The following RNF123 variants were observed in gnomAD, a reference collection of about 807,000 sequenced individuals.
The protein encoded by RNF123 is E3 ubiquitin-protein ligase RNF123.
Under a neutral mutation model 168.5 loss-of-function variants are expected in RNF123, and 86 were observed. That is an observed-to-expected ratio of 0.51 (90% CI 0.43 to 0.61). The LOEUF is 0.61. Among genes scored for constraint, RNF123 ranks in the 20% least tolerant of loss-of-function variants. The pLI is 0.00. For missense variants in RNF123, 1,419 were observed against 1,729.7 expected, an observed-to-expected ratio of 0.82 and a Z score of 3.19; for synonymous variants, 666 against 689.1, an observed-to-expected ratio of 0.97 and a Z score of 0.52.
intron 24 of RNF123, 64 bp from the exon 25 acceptor site, chr3:49,705,918 G>A: frequency 6.4e-7 from 1 of 1,557,286 alleles, no homozygotes; most frequent in Non-Finnish European, 8.8e-7. Context: ...TCCAGACTGG[G>A]TCTGAAGAAG....
At chr3:49,698,414 G>A (rs750833386) in intron 7 of RNF123, 26 bp from the exon 8 acceptor site, 2 of 1,599,576 alleles carry the variant, frequency 1.3e-6, no homozygotes, top group East Asian at 2.2e-5. Context: ...GCCTCACCAG[G>A]GACCTCATAG....
At chr3:49,691,774 C>T (rs1240692271) in intron 3 of RNF123, among the ~76,000 whole-genome samples, 1 of 152,234 alleles carries the variant, frequency 6.6e-6, no homozygotes, top group Non-Finnish European at 1.5e-5. Flanking sequence ...TAGCACCTGG[C>T]ACCTACTCCA....
Position 49,720,386 on chromosome 3 carries a change from G to C in RNF123, c.3501-125G>C, listed in dbSNP as rs572104018. ...CAGGACTTGGGGTTTGGGAAGCAGG[G>C]AGACGGAAAGGATGCAGGGGGGGTG... On this transcript the variant is annotated intron_variant, in intron 35 of 38. Transcript: ENST00000327697. 4 of 959,280 alleles carry C rather than the reference G, an allele frequency of 4.2e-6. No homozygotes were observed. In the African/African-American group the frequency reaches 6.5e-5, roughly 16 times the overall value. The allele number at this position is 959,280 out of a possible 1,614,324, so 59.4% of individuals were successfully genotyped here. A position where few individuals can be genotyped will look rare whatever the true frequency, so the allele number is the denominator to read the frequency against.
At chr3:49,716,693 T>A in intron 35 of RNF123, 1 of 510,732 alleles carries the variant, frequency 2.0e-6, no homozygotes, top group South Asian at 2.2e-5. Context: ...GCAGGACAGG[T>A]GGCCCTGGCC....
intron 31 of RNF123, 59 bp from the exon 32 acceptor site, chr3:49,715,516 A>G: frequency 6.2e-7 from 1 of 1,605,338 alleles, no homozygotes; most frequent in Non-Finnish European, 8.5e-7. Context: ...GACAGAGGCA[A>G]ACAGGCAGAG....
rs1559673851 is a variant in RNF123 at position 49,699,648 on chromosome 3, C to G, written c.880-20C>G. 1 of 1,613,238 alleles carries G rather than the reference C, an allele frequency of 6.2e-7. No individual in the cohort carries two copies. The highest frequency in any genetic ancestry group is 8.5e-7 in the Non-Finnish European group (1 of 1,179,540). Reference sequence around the variant, plus strand: ...CAGCCTCCTGCCCCTCACACTTCTCCCTCCTCCCCCTCCACACAGGAGGGG... The same window carrying G: ...CAGCCTCCTGCCCCTCACACTTCTCGCTCCTCCCCCTCCACACAGGAGGGG... On this transcript the variant is annotated intron_variant, in intron 11 of 38. Coordinates refer to ENST00000327697, the MANE Select transcript of RNF123 (RefSeq NM_022064.5). This position sits in a 1 kb window ranked among gnomAD's most constrained non-coding sequence, Gnocchi z 4.8.
In RNF123 at chr3:49,699,692, A is replaced by C; in HGVS notation, c.904A>C (p.Ser302Arg). 6.2e-7 allele frequency: 1 copy of C among 1,613,736 alleles called. No individual in the cohort carries two copies. Among genetic ancestry groups the C allele is most frequent in the Non-Finnish European group, 8.5e-7 (1 of 1,179,966 alleles). Residue 302 changes from serine (S) to arginine (R), a missense_variant, in exon 12 of 39, where the codon AGC (serine) becomes CGC (arginine). Physicochemically the swap from Ser to Arg is moderately radical, Grantham distance 110. This residue lies in a region of RNF123 where 318 missense variants were observed against 446.6 expected (regional missense o/e 0.71). Coordinates refer to ENST00000327697, the MANE Select transcript of RNF123 (RefSeq NM_022064.5). The surrounding 1 kb of genome is among the most constrained non-coding windows in gnomAD (Gnocchi z 4.8). Reference protein sequence around the residue: ...PVEGRLLDKESSKWRLRGQPT... With the variant: ...PVEGRLLDKERSKWRLRGQPT... ...GGAGGGGCGGCTGTTGGACAAGGAG[A>C]GCTCCAAGTGGCGGTTGCGGGGCCA...
Position 49,699,970 on chromosome 3 carries a change from G to A in RNF123, c.984+198G>A. On this transcript the variant is annotated intron_variant, in intron 12 of 38. Coordinates refer to ENST00000327697, the MANE Select transcript of RNF123 (RefSeq NM_022064.5). This position sits in a 1 kb window ranked among gnomAD's most constrained non-coding sequence, Gnocchi z 4.8. ...GACATTGCCAACCAAGGGCATCAGG[G>A]GATGTCCTGGAAAGAAGACTGAAGG... 1 of 682,300 alleles carries A rather than the reference G, an allele frequency of 1.5e-6. No individual in the cohort carries two copies. The highest frequency in any genetic ancestry group is 1.8e-5 in the South Asian group (1 of 54,534). 42.3% of individuals were successfully genotyped at this position (682,300 alleles called of 1,614,324 possible).
At position 49,702,704 on chromosome 3, in the gene RNF123, C is replaced by T; in HGVS notation, c.1701C>T (p.Tyr567=). The change falls in exon 20 of 39, where the codon TAC becomes TAT. Residue 567 remains tyrosine (Y), a synonymous_variant. Coordinates refer to ENST00000327697, the MANE Select transcript of RNF123 (RefSeq NM_022064.5). ...FLHRLISALR[Y]YWDEYKASNP... The stretch of plus-strand genomic sequence containing the variant: ...ACCGGCTGATCTCTGCCCTGCGCTA[C>T]TATTGGGATGAATACAAGGCTTCCA... 1 of 1,614,244 alleles carries T rather than the reference C, an allele frequency of 6.2e-7. No homozygotes were observed. Among genetic ancestry groups the T allele is most frequent in the Non-Finnish European group, 8.5e-7 (1 of 1,180,038 alleles).
chr3:49,719,439 T>C (rs781557467), intron 35 of RNF123: 4 of 1,613,312 alleles, frequency 2.5e-6, no homozygotes, highest in Admixed American at 3.3e-5. Flanking sequence ...TGCAGAGCAG[T>C]GTCCCCAGCA....
At position 49,698,534 on chromosome 3, in the gene RNF123, C is replaced by A; in HGVS notation, c.570+8C>A. The A allele has an allele frequency of 1.2e-6, 2 of 1,613,564 alleles. No individual in the cohort carries two copies. Among genetic ancestry groups the A allele is most frequent in the Non-Finnish European group, 1.7e-6 (2 of 1,179,800 alleles). ...ACAACGAATTATGGCAAGGTGAGAGCCAAGCCCCTGTGGGTCATCCGCCCC... is the reference window on the plus strand; with the variant it reads ...ACAACGAATTATGGCAAGGTGAGAGACAAGCCCCTGTGGGTCATCCGCCCC... On this transcript the variant is annotated splice_region_variant and intron_variant, in intron 8 of 38. Coordinates refer to ENST00000327697, the MANE Select transcript of RNF123 (RefSeq NM_022064.5).
intron 35 of RNF123, chr3:49,717,785 T>G (rs1363121050): frequency 1.3e-6 from 1 of 752,094 alleles, no homozygotes; most frequent in Non-Finnish European, 2.1e-6. Flanking sequence ...ACAACCCCTG[T>G]CTCTACCAGT....
At chr3:49,719,267 C>G (rs750230457) in intron 35 of RNF123, 60 of 1,613,392 alleles carry the variant, frequency 3.7e-5, no homozygotes, top group Non-Finnish European at 4.7e-5. Flanking sequence ...TGGCTCAGGT[C>G]GAGGTCCGCA....
rs1014410323 is a variant in RNF123, at chr3:49,697,332, C to A, written c.248-31C>A. On this transcript the variant is annotated intron_variant, in intron 4 of 38. Coordinates refer to ENST00000327697, the MANE Select transcript of RNF123 (RefSeq NM_022064.5). ...CCTATGCATCCTGTCAAATGCTCCA[C>A]CCTGCCTGACCCCACCTCTCCTCTT... 12 of 1,601,598 alleles carry A rather than the reference C, an allele frequency of 7.5e-6. No individual in the cohort carries two copies. The African/African-American group carries it at 1.5e-4, about 20-fold the overall frequency.
chr3:49,718,337 C>T (rs1379756677), intron 35 of RNF123: 5 of 1,613,274 alleles, frequency 3.1e-6, no homozygotes, highest in Non-Finnish European at 4.2e-6. Context: ...GCCTCGGGCT[C>T]TGGGCGCGGA....
In RNF123 at chr3:49,705,528, C is replaced by T. The variant is rs768412723; in HGVS notation, c.2159-6C>T. The T allele has an allele frequency of 2.1e-5, 33 of 1,584,190 alleles. No individual in the cohort carries two copies. The highest frequency in any genetic ancestry group is 2.8e-5 in the Non-Finnish European group (33 of 1,166,280). ...ACCCTTGACCCTTCCCTCCCCAACT[C>T]CCCAGTTGAAGGCAGCCACTGGAAT... On this transcript the variant is annotated splice_region_variant and splice_polypyrimidine_tract_variant and intron_variant, in intron 23 of 38. Transcript: ENST00000327697.
chr3:49,718,351 T>C lies in RNF123; in HGVS notation c.3500+1874T>C, dbSNP rs760888415. On this transcript the variant is annotated intron_variant, in intron 35 of 38. Coordinates refer to ENST00000327697, the MANE Select transcript of RNF123 (RefSeq NM_022064.5). ...AGCCTCGGGCTCTGGGCGCGGAAAG[T>C]GCACGCTCACGTTGTACTCGTGCGT... 2.5e-6 allele frequency: 4 copies of C among 1,613,362 alleles called. No individual in the cohort carries two copies. The Admixed American group carries it at 6.7e-5, about 27-fold the overall frequency.
chr3:49,715,453 G>A, intron 31 of RNF123, 122 bp from the exon 32 acceptor site: 1 of 1,201,768 alleles, frequency 8.3e-7, no homozygotes, highest in South Asian at 1.5e-5. Context: ...CATGACCTGA[G>A]CATTCCTAGG....
intron 3 of RNF123, 49 bp from the exon 4 acceptor site, chr3:49,697,094 G>T (rs373397647): frequency 6.8e-7 from 1 of 1,476,722 alleles, no homozygotes; most frequent in Non-Finnish European, 9.5e-7. Flanking sequence ...GTGTCATCTG[G>T]CTGATTTCAA....
Sources: gnomAD v4.1 joint callset for allele counts (sites outside exome capture counted in the v4.1 genomes callset) on GRCh38, gnomAD v4.1.1 for gene constraint, gnomAD v4.1.1 regional missense constraint, Gnocchi (gnomAD v3.1) non-coding constraint, MANE v1.5 for transcripts, NCBI Gene and HGNC (gene_info 2026-07-23, HGNC 2026-07-21) for gene names.